Variants in SPAG9 observed in about 807,000 individuals in gnomAD.
SPAG9 encodes sperm associated antigen 9, also known as C-Jun-amino-terminal kinase-interacting protein 4.
A neutral mutation model predicts 166.5 loss-of-function variants in SPAG9; 35 were observed. The observed-to-expected ratio is 0.21, with a 90% CI of 0.16 to 0.28. The LOEUF is 0.28. Ranked by LOEUF, SPAG9 falls within the 10% of genes least tolerant of loss-of-function variation. SPAG9 has a pLI of 1.00. For missense variants in SPAG9, 1,235 were observed against 1,603.3 expected, an observed-to-expected ratio of 0.77 and a Z score of 3.92; for synonymous variants, 534 against 565.5, an observed-to-expected ratio of 0.94 and a Z score of 0.79.
intron 1 of SPAG9, among the ~76,000 whole-genome samples, chr17:51,117,922 T>G (rs2049340660): frequency 6.6e-6 from 1 of 151,508 alleles, no homozygotes; most frequent in East Asian, 1.9e-4. Context: ...TTGCCTGAGC[T>G]CAGGAGTTCA....
At chr17:51,030,091 T>C (rs1252596833) in intron 6 of SPAG9, among the ~76,000 whole-genome samples, 1 of 152,212 alleles carries the variant, frequency 6.6e-6, no homozygotes, top group Non-Finnish European at 1.5e-5. Flanking sequence ...AATATCAGGC[T>C]AAAAGTCTAT....
chr17:51,099,785 A>AC (rs1441912699), intron 1 of SPAG9, among the ~76,000 whole-genome samples: 1 of 150,664 alleles, frequency 6.6e-6, no homozygotes, highest in Non-Finnish European at 1.5e-5. Context: ...AAAAAAAAAA[A>AC]AAAACTAGAA....
At chr17:51,037,876 T>C (rs1335987056) in intron 5 of SPAG9, among the ~76,000 whole-genome samples, 1 of 151,676 alleles carries the variant, frequency 6.6e-6, no homozygotes, top group East Asian at 1.9e-4. Context: ...ATAGCACTTT[T>C]ATAATATGCT....
In SPAG9 at chr17:51,054,718, G is replaced by A. The variant is rs150131223; in HGVS notation, c.495+1694C>T. On this transcript the variant is annotated intron_variant, in intron 3 of 29. Coordinates refer to ENST00000262013, the MANE Select transcript of SPAG9 (RefSeq NM_001130528.3). Reference sequence around the variant, plus strand: ...CCCAAAGTGCTGGGATTACAGGTGTGAGCCACCGCACCTGGCCAAATGTGG... The same window carrying A: ...CCCAAAGTGCTGGGATTACAGGTGTAAGCCACCGCACCTGGCCAAATGTGG... Among the ~76,000 whole-genome samples the A allele has an allele frequency of 3.7e-3, 561 of 152,164 alleles. 2 individuals carry two copies. The highest frequency in any genetic ancestry group is 0.013 in the African/African-American group (539 of 41,510).
At chr17:51,046,393 T>C (rs1268674426) in intron 4 of SPAG9, 11 of 741,908 alleles carry the variant, frequency 1.5e-5, no homozygotes, top group Non-Finnish European at 2.4e-5. Flanking sequence ...TTCAGGCCAT[T>C]TTCCATTGTT....
chr17:51,053,893 ATATAT>A lies in SPAG9; in HGVS notation c.495+2514_495+2518del, dbSNP rs1568045187. Among the ~76,000 whole-genome samples the A allele has an allele frequency of 2.0e-3, 238 of 119,444 alleles. 2 individuals are homozygous for A. Among genetic ancestry groups the A allele is most frequent in the African/African-American group, 6.1e-3 (196 of 32,290 alleles). 78.4% of individuals were successfully genotyped at this position (119,444 alleles called of 152,430 possible). On this transcript the variant is annotated intron_variant, in intron 3 of 29. Transcript: ENST00000262013. The stretch of plus-strand genomic sequence containing the variant: ...TATATATATATATATATATATATAT[ATATAT>A]AAAACATATATGTATTTATAATTAT...
chr17:51,088,752 CG>C, intron 1 of SPAG9, among the ~76,000 whole-genome samples: 1 of 150,564 alleles, frequency 6.6e-6, no homozygotes. Context: ...GAGCCGAGAT[CG>C]TGCCACTGCA....
intron 1 of SPAG9, 129 bp from the exon 2 acceptor site, chr17:51,079,833 G>T: frequency 1.7e-6 from 1 of 575,306 alleles, no homozygotes; most frequent in Non-Finnish European, 2.9e-6. Context: ...ATGACCTTGG[G>T]TTGATTTTTA....
At chr17:51,082,522 A>T (rs1266722405) in intron 1 of SPAG9, among the ~76,000 whole-genome samples, 4 of 152,110 alleles carry the variant, frequency 2.6e-5, no homozygotes, top group Admixed American at 6.6e-5. Flanking sequence ...CCTCACTAGA[A>T]TGTGGGTTCC....
chr17:51,087,387 T>G (rs2048332461), intron 1 of SPAG9, among the ~76,000 whole-genome samples: 3 of 152,204 alleles, frequency 2.0e-5, no homozygotes, highest in Admixed American at 6.5e-5. Context: ...GTCATGAAAT[T>G]CAAACAGATG....
At chr17:51,061,972 T>G (rs2047531572) in intron 2 of SPAG9, among the ~76,000 whole-genome samples, 1 of 152,198 alleles carries the variant, frequency 6.6e-6, no homozygotes, top group African/African-American at 2.4e-5. Flanking sequence ...GTGAAATGGT[T>G]ATATTTACTA....
chr17:51,013,379 G>C (rs2045570450), intron 9 of SPAG9, among the ~76,000 whole-genome samples: 1 of 152,152 alleles, frequency 6.6e-6, no homozygotes, highest in Admixed American at 6.5e-5. Flanking sequence ...ATCTAGGGCA[G>C]GGGTTGGCAA....
intron 1 of SPAG9, among the ~76,000 whole-genome samples, chr17:51,082,845 T>C (rs1045974879): frequency 9.2e-5 from 14 of 152,244 alleles, no homozygotes; most frequent in Middle Eastern, 6.8e-3. Flanking sequence ...ATTACGTTCC[T>C]TTGGGGAACT....
intron 3 of SPAG9, among the ~76,000 whole-genome samples, chr17:51,052,764 T>C (rs1358765012): frequency 6.6e-6 from 1 of 152,096 alleles, no homozygotes; most frequent in African/African-American, 2.4e-5. Context: ...TTTTAAAGAA[T>C]GTATATATTT....
chr17:51,024,424 T>C (rs2046071234), intron 6 of SPAG9, among the ~76,000 whole-genome samples: 1 of 151,920 alleles, frequency 6.6e-6, no homozygotes, highest in Non-Finnish European at 1.5e-5. Context: ...AGCATATCCA[T>C]GTTAAGAGTA....
At chr17:50,969,272 C>G (rs892213838) in intron 29 of SPAG9, among the ~76,000 whole-genome samples, 1 of 152,100 alleles carries the variant, frequency 6.6e-6, no homozygotes, top group Non-Finnish European at 1.5e-5. Flanking sequence ...GGAAATTTCC[C>G]ACCTAAATCA....
Position 51,044,255 on chromosome 17 carries a change from A to G in SPAG9, c.591-2604T>C, listed in dbSNP as rs78061847. Among the ~76,000 whole-genome samples the G allele has an allele frequency of 2.6e-3, 394 of 152,346 alleles. 1 individual carries two copies. Among genetic ancestry groups the G allele is most frequent in the African/African-American group, 9.0e-3 (375 of 41,570 alleles). On this transcript the variant is annotated intron_variant, in intron 4 of 29. Coordinates refer to ENST00000262013, the MANE Select transcript of SPAG9 (RefSeq NM_001130528.3). ...AACCCTGAAAGGTAAACATTAGTCC[A>G]GTACTATGTTGGCATGCATTAAATG...
intron 7 of SPAG9, 82 bp from the exon 8 acceptor site, chr17:51,020,340 T>A: frequency 1.2e-6 from 1 of 864,440 alleles, no homozygotes; most frequent in Non-Finnish European, 1.8e-6. Flanking sequence ...TTTATGGGTG[T>A]AAAGGTATCA....
At position 51,120,318 on chromosome 17, in the gene SPAG9, CG is replaced by C. The variant is rs2049442431; in HGVS notation, c.303+35del. The stretch of plus-strand genomic sequence containing the variant: ...ACCCCGCCCCGGCCGCCCCCGGAGA[CG>C]GATCCCGCGGCCCCCGCCCTGCCGC... On this transcript the variant is annotated intron_variant, in intron 1 of 29. Transcript: ENST00000262013. The surrounding 1 kb of genome is among the most constrained non-coding windows in gnomAD (Gnocchi z 4.7). 4.7e-6 allele frequency: 7 copies of C among 1,490,438 alleles called. No homozygotes were observed. In the Admixed American group the frequency reaches 1.5e-4, roughly 31 times the overall value. 92.3% of individuals were successfully genotyped at this position (1,490,438 alleles called of 1,614,324 possible).
Sources: gnomAD v4.1 joint callset for allele counts (sites outside exome capture counted in the v4.1 genomes callset) on GRCh38, gnomAD v4.1.1 for gene constraint, Gnocchi (gnomAD v3.1) non-coding constraint, MANE v1.5 for transcripts, NCBI Gene and HGNC (gene_info 2026-07-23, HGNC 2026-07-21) for gene names.